Variants in APOO observed in about 807,000 individuals in gnomAD.
APOO encodes the protein apolipoprotein O, also known as MICOS complex subunit MIC26.
APOO carries 11 observed loss-of-function variants against 23.1 expected under a neutral mutation model. That is an observed-to-expected ratio of 0.48 (90% confidence interval 0.30 to 0.79). APOO has a LOEUF of 0.79. Ranked by LOEUF, APOO falls within the 30% of genes least tolerant of loss-of-function variation. The probability of loss-of-function intolerance (pLI) is 0.07; values close to 1 mark genes in which losing one functional copy is unlikely to be tolerated. For missense variants in APOO, 160 were observed against 142.7 expected (o/e 1.12, Z -0.62); for synonymous variants, 59 against 54.8 (o/e 1.08, Z -0.34).
At position 23,907,729 on chromosome X, in the gene APOO, G is replaced by C; in HGVS notation, c.-27C>G. On this transcript the variant is annotated 5_prime_UTR_variant, in exon 1 of 9. Transcript: ENST00000379226. ...TCGCTGGCAGCGGAGGCTCCGGCAG[G>C]GTCACCCCGGCCTCGGCCACGCCCA... 1.7e-6 allele frequency: 2 copies of C among 1,159,823 alleles called. No homozygotes were observed. Among genetic ancestry groups the C allele is most frequent in the Non-Finnish European group, 2.3e-6 (2 of 870,205 alleles).
At chrX:23,847,398 G>A (rs1234715802) in intron 7 of APOO, among the ~76,000 whole-genome samples, 1 of 110,811 alleles carries the variant, frequency 9.0e-6, no homozygotes, top group East Asian at 2.9e-4. Flanking sequence ...AGGCCGAGGC[G>A]GGCGGATCAC....
rs1327514127 is a variant in APOO, at chrX:23,892,428, G to C, written c.10-11476C>G. Reference sequence around the variant, plus strand: ...CGCTACCATGCCCAGCTACTTTTTGGAATTTTAGTAGAGACAGGGTTTCAC... The same window carrying C: ...CGCTACCATGCCCAGCTACTTTTTGCAATTTTAGTAGAGACAGGGTTTCAC... On this transcript the variant is annotated intron_variant, in intron 1 of 8. Transcript: ENST00000379226. Among the ~76,000 whole-genome samples the C allele has an allele frequency of 4.6e-5, 5 of 109,484 alleles. No homozygotes were observed. The Admixed American group carries it at 4.9e-4, about 11-fold the overall frequency.
chrX:23,872,521 T>TTATATATATATATA lies in APOO; in HGVS notation c.292+1868_292+1881dup, dbSNP rs773219545. Among the ~76,000 whole-genome samples, 605 of 93,168 alleles carry TTATATATATATATA rather than the reference T, an allele frequency of 6.5e-3. 8 individuals are homozygous for TTATATATATATATA. The highest frequency in any genetic ancestry group is 0.022 in the African/African-American group (556 of 24,833). 80.9% of individuals were successfully genotyped at this position (93,168 alleles called of 115,157 possible). On this transcript the variant is annotated intron_variant, in intron 4 of 8. Transcript: ENST00000379226. Reference sequence around the variant, plus strand: ...GTATCTGTCAGCTTGTTATGAGAATTTATATATATATATATATATATATAA... The same window carrying TTATATATATATATA: ...GTATCTGTCAGCTTGTTATGAGAATTTATATATATATATATATATATATATATATATATATATAA...
intron 3 of APOO, among the ~76,000 whole-genome samples, chrX:23,877,986 A>T (rs1483051356): frequency 8.9e-6 from 1 of 111,954 alleles, no homozygotes; most frequent in African/African-American, 3.2e-5. Context: ...AATACTTTTC[A>T]TTTACGTAAT....
intron 3 of APOO, among the ~76,000 whole-genome samples, chrX:23,876,270 T>TAAAAAA: frequency 9.7e-6 from 1 of 102,716 alleles, no homozygotes; most frequent in East Asian, 3.2e-4. Flanking sequence ...CTCAAAAAAA[T>TAAAAAA]AAAAAAAATA....
chrX:23,868,396 C>CT (rs752566066), intron 5 of APOO, among the ~76,000 whole-genome samples, 197 bp downstream of exon 5: 20 of 111,561 alleles, frequency 1.8e-4, no homozygotes, highest in African/African-American at 3.2e-4. Flanking sequence ...AGGATAACTT[C>CT]TTTTTTTTAC....
chrX:23,901,162 G>A (rs1198097061), intron 1 of APOO, among the ~76,000 whole-genome samples: 1 of 112,031 alleles, frequency 8.9e-6, no homozygotes, highest in Non-Finnish European at 1.9e-5. Flanking sequence ...AATGTGTGAG[G>A]TAATAACACC....
chrX:23,898,506 T>C (rs894122271), intron 1 of APOO, among the ~76,000 whole-genome samples: 13 of 111,565 alleles, frequency 1.2e-4, no homozygotes, highest in Admixed American at 2.9e-4. Context: ...CATGTGCGTT[T>C]TTCTTCTTTA....
intron 7 of APOO, among the ~76,000 whole-genome samples, chrX:23,841,289 G>A (rs1302336350): frequency 2.7e-5 from 3 of 109,869 alleles, no homozygotes; most frequent in African/African-American, 3.3e-5. Flanking sequence ...GAGTGGCTGA[G>A]AACTGGTCTA....
chrX:23,852,810 A>G (rs1924604961), intron 7 of APOO, among the ~76,000 whole-genome samples: 1 of 110,456 alleles, frequency 9.1e-6, no homozygotes, highest in Non-Finnish European at 1.9e-5. Context: ...TCTGGCATTT[A>G]TCACATTTTA....
At chrX:23,905,409 CAATAAT>C (rs996659160) in intron 1 of APOO, among the ~76,000 whole-genome samples, 1 of 108,823 alleles carries the variant, frequency 9.2e-6, no homozygotes, top group African/African-American at 3.3e-5. Flanking sequence ...ATAATGATAA[CAATAAT>C]AATAATAATA....
chrX:23,889,876 T>C (rs779189778), intron 1 of APOO, among the ~76,000 whole-genome samples: 1 of 109,880 alleles, frequency 9.1e-6, no homozygotes, highest in East Asian at 2.9e-4. Flanking sequence ...TTAGCCAGGA[T>C]GGTCTCAATC....
chrX:23,901,760 G>A (rs1223241409), intron 1 of APOO, among the ~76,000 whole-genome samples: 5 of 112,180 alleles, frequency 4.5e-5, no homozygotes, highest in African/African-American at 6.5e-5. Context: ...TAAGCTTTGC[G>A]TAGGAATGAA....
chrX:23,876,804 A>G (rs1231089465), intron 3 of APOO, among the ~76,000 whole-genome samples: 3 of 112,408 alleles, frequency 2.7e-5, no homozygotes. Flanking sequence ...TCTCAAAAAA[A>G]GAAAAACAAA....
At chrX:23,861,796 CT>C (rs10706916) in intron 5 of APOO, among the ~76,000 whole-genome samples, 17,927 of 67,416 alleles carry the variant, frequency 0.27, 2,339 homozygotes, top group South Asian at 0.57. Flanking sequence ...ACAGGGAGTT[CT>C]TTTTTTTTTT....
chrX:23,889,332 T>C (rs748351395), intron 1 of APOO, among the ~76,000 whole-genome samples: 6 of 111,220 alleles, frequency 5.4e-5, no homozygotes, highest in Non-Finnish European at 1.1e-4. Flanking sequence ...CAGAATTCCA[T>C]AGCTCTGGGA....
chrX:23,851,487 C>A (rs768773346), intron 7 of APOO, among the ~76,000 whole-genome samples: 2 of 111,816 alleles, frequency 1.8e-5, no homozygotes, highest in Non-Finnish European at 3.8e-5. Flanking sequence ...GCCACCGCGC[C>A]CCACGGTAAT....
rs545708419 is a variant in APOO, at chrX:23,893,944, G to A, written c.10-12992C>T. On this transcript the variant is annotated intron_variant, in intron 1 of 8. Transcript: ENST00000379226. ...CTTTCTCTGGAAAGGGGGCTGGGGG[G>A]AGGTGGACAATAGCAACCTGACCAA... Among the ~76,000 whole-genome samples, 68 of 110,679 alleles carry A rather than the reference G, an allele frequency of 6.1e-4. 1 individual carries two copies. In the South Asian group the frequency reaches 0.026, roughly 42 times the overall value.
intron 4 of APOO, among the ~76,000 whole-genome samples, chrX:23,871,949 T>A (rs1294374095): frequency 8.9e-6 from 1 of 112,312 alleles, no homozygotes; most frequent in Non-Finnish European, 1.9e-5. Context: ...ATAGGACTTG[T>A]ATTATGTTTG....
Sources: gnomAD v4.1 joint callset for allele counts (sites outside exome capture counted in the v4.1 genomes callset) on GRCh38, gnomAD v4.1.1 for gene constraint, MANE v1.5 for transcripts, NCBI Gene and HGNC (gene_info 2026-07-23, HGNC 2026-07-21) for gene names.